HYDIN: variants seen among roughly 807,000 people sequenced by gnomAD.
HYDIN encodes the protein HYDIN axonemal central pair apparatus protein.
A neutral mutation model predicts 403.9 loss-of-function variants in HYDIN; 132 were observed. That is an observed-to-expected ratio of 0.33 (90% CI 0.28 to 0.38). The LOEUF is 0.38. HYDIN is among the 10% of genes least tolerant of loss of function. The pLI, the probability that HYDIN is intolerant of heterozygous loss-of-function variation, is 1.00. For synonymous variants in HYDIN, 1,202 were observed against 1,891.7 expected, an observed-to-expected ratio of 0.64 and a Z score of 9.46; for missense variants, 2,827 against 5,009.5, an observed-to-expected ratio of 0.56 and a Z score of 13.15.
intron 83 of HYDIN, among the ~76,000 whole-genome samples, chr16:70,826,735 C>G (rs79036564): frequency 6.9e-6 from 1 of 145,022 alleles, no homozygotes; most frequent in East Asian, 1.9e-4. Flanking sequence ...CTCTCTCTCT[C>G]TCTCTCTCTC....
intron 73 of HYDIN, among the ~76,000 whole-genome samples, chr16:70,854,267 C>T (rs2038869845): frequency 6.6e-6 from 1 of 150,382 alleles, no homozygotes; most frequent in Admixed American, 6.6e-5. Context: ...GAGAGTCTCA[C>T]TCCATTGTCC....
At chr16:71,011,035 G>A (rs1431714362) in intron 23 of HYDIN, among the ~76,000 whole-genome samples, 1 of 152,210 alleles carries the variant, frequency 6.6e-6, no homozygotes, top group Non-Finnish European at 1.5e-5. Context: ...GGAAGTAAAA[G>A]GAATCTGGGT....
At chr16:70,873,638 T>A (rs1483330759) in intron 64 of HYDIN, among the ~76,000 whole-genome samples, 2 of 130,032 alleles carry the variant, frequency 1.5e-5, no homozygotes, top group African/African-American at 5.1e-5. Context: ...AACAATTTGA[T>A]GATAAATTTT....
chr16:71,203,365 T>C (rs1389136850), intron 1 of HYDIN, among the ~76,000 whole-genome samples: 1 of 152,216 alleles, frequency 6.6e-6, no homozygotes, highest in African/African-American at 2.4e-5. Flanking sequence ...TAGCATTCTC[T>C]ATGACAATTA....
intron 1 of HYDIN, among the ~76,000 whole-genome samples, chr16:71,226,144 T>C (rs1225858622): frequency 1.3e-5 from 2 of 152,244 alleles, no homozygotes; most frequent in Admixed American, 1.3e-4. Context: ...GGACTCAAAC[T>C]ACCAGATTTC....
intron 13 of HYDIN, among the ~76,000 whole-genome samples, chr16:71,073,981 A>C (rs2144319676): frequency 6.6e-6 from 1 of 152,272 alleles, no homozygotes; most frequent in Middle Eastern, 3.4e-3. Flanking sequence ...CCCACCACCC[A>C]TCTATCTCAA....
intron 20 of HYDIN, 45 bp downstream of exon 20, chr16:71,027,557 T>G (rs1379227537): frequency 6.2e-7 from 1 of 1,612,938 alleles, no homozygotes; most frequent in Admixed American, 1.7e-5. Flanking sequence ...CAGTAGAGAT[T>G]TATTTAGGAA....
At chr16:70,930,288 T>C (rs1453124924) in intron 45 of HYDIN, among the ~76,000 whole-genome samples, 1 of 152,194 alleles carries the variant, frequency 6.6e-6, no homozygotes, top group Non-Finnish European at 1.5e-5. Flanking sequence ...CCACACCATC[T>C]TGGCCAACAT....
Position 70,868,742 on chromosome 16 carries a change from A to G in HYDIN, c.11138T>C (p.Met3713Thr). The G allele has an allele frequency of 3.1e-6, 5 of 1,613,918 alleles. No individual in the cohort carries two copies. The highest frequency in any genetic ancestry group is 4.2e-6 in the Non-Finnish European group (5 of 1,180,008). Residue 3713 changes from methionine to threonine, a missense_variant, in exon 66 of 86, where the codon ATG becomes ACG. Met to Thr is a moderately conservative substitution (Grantham distance 81). Transcript: ENST00000393567. Reference sequence around the variant, plus strand: ...TAGGTTGATGGGTACATCTGACTTCATGGTCACCACTATGTCCTTGGCACA... The same window carrying G: ...TAGGTTGATGGGTACATCTGACTTCGTGGTCACCACTATGTCCTTGGCACA... ...PGCAKDIVVT[M>T]KSDVPINLKN... is the part of the protein sequence containing the mutation.
Position 71,062,227 on chromosome 16 carries a change from G to A in HYDIN, c.2318C>T (p.Thr773Ile). The A allele has an allele frequency of 6.6e-7, 1 of 1,508,590 alleles. No homozygotes were observed. Among genetic ancestry groups the A allele is most frequent in the Non-Finnish European group, 9.1e-7 (1 of 1,094,664 alleles). 93.5% of individuals were successfully genotyped at this position (1,508,590 alleles called of 1,614,324 possible). Residue 773 changes from threonine to isoleucine, a missense_variant, in exon 17 of 86, where the codon ACT becomes ATT. Thr to Ile is a moderately conservative substitution (Grantham distance 89). Coordinates refer to ENST00000393567, the MANE Select transcript of HYDIN (RefSeq NM_001270974.2). ...HIPLVLETQV[T>I]GEHRSTVYIS... Reference sequence around the variant, plus strand: ...GTAAACCGTGGATCTGTGTTCTCCAGTGACCTGGGTCTCCAGGACCAGTGG... The same window carrying A: ...GTAAACCGTGGATCTGTGTTCTCCAATGACCTGGGTCTCCAGGACCAGTGG...
In HYDIN at chr16:70,951,281, G is replaced by GAGAGAGA. The variant is rs1567892472; in HGVS notation, c.6531+1139_6531+1140insTCTCTCT. The stretch of plus-strand genomic sequence containing the variant: ...GAGAGAGAGAGAGAGAGAGAGAGAG[G>GAGAGAGA]GAGAGAGGGAGAGAGAGAGAGAGAA... On this transcript the variant is annotated intron_variant, in intron 41 of 85. Coordinates refer to ENST00000393567, the MANE Select transcript of HYDIN (RefSeq NM_001270974.2). 4.6e-4 allele frequency among the ~76,000 whole-genome samples: 44 copies of GAGAGAGA among 95,998 alleles called. 1 individual carries two copies. Among genetic ancestry groups the GAGAGAGA allele is most frequent in the African/African-American group, 1.4e-3 (43 of 29,948 alleles). The allele number at this position is 95,998 out of a possible 152,430, so 63.0% of individuals were successfully genotyped here. A position where few individuals can be genotyped will look rare whatever the true frequency, so the allele number is the denominator to read the frequency against.
At chr16:71,056,410 T>C (rs1350365442) in intron 18 of HYDIN, among the ~76,000 whole-genome samples, 1 of 148,232 alleles carries the variant, frequency 6.7e-6, no homozygotes, top group East Asian at 2.2e-4. Flanking sequence ...TTTTTAAAAA[T>C]CATTTTTTTG....
chr16:71,211,484 C>CA (rs927046272), intron 1 of HYDIN, among the ~76,000 whole-genome samples: 6 of 151,394 alleles, frequency 4.0e-5, no homozygotes, highest in African/African-American at 1.2e-4. Flanking sequence ...ACTAAAAATA[C>CA]AAAAAAAATT....
chr16:70,813,468 C>T (rs927394030), intron 84 of HYDIN, among the ~76,000 whole-genome samples: 2 of 151,856 alleles, frequency 1.3e-5, no homozygotes, highest in Admixed American at 6.6e-5. Context: ...AGATGACTAG[C>T]GTCCTGGCTG....
chr16:71,021,464 C>T (rs1421753547), intron 21 of HYDIN, among the ~76,000 whole-genome samples: 1 of 152,116 alleles, frequency 6.6e-6, no homozygotes, highest in East Asian at 1.9e-4. Flanking sequence ...ATCCACCCGC[C>T]TCAGCCTCCC....
intron 1 of HYDIN, among the ~76,000 whole-genome samples, chr16:71,212,432 T>C (rs958302278): frequency 2.6e-5 from 4 of 152,194 alleles, no homozygotes; most frequent in East Asian, 1.9e-4. Context: ...GTTTTCATTG[T>C]ACTATTATTT....
At chr16:71,038,146 T>C (rs2081155783) in intron 18 of HYDIN, among the ~76,000 whole-genome samples, 1 of 152,262 alleles carries the variant, frequency 6.6e-6, no homozygotes, top group Non-Finnish European at 1.5e-5. Context: ...GCAGGGAATA[T>C]GACTGTGCGA....
intron 53 of HYDIN, among the ~76,000 whole-genome samples, chr16:70,900,792 C>A (rs1352600424): frequency 6.8e-6 from 1 of 147,292 alleles, no homozygotes. Context: ...CTGTTCCTGG[C>A]ACTGGGGAAT....
chr16:71,055,198 G>C (rs1410660261), intron 18 of HYDIN, among the ~76,000 whole-genome samples: 113 of 152,288 alleles, frequency 7.4e-4, no homozygotes, highest in Non-Finnish European at 8.5e-4. Flanking sequence ...GAGGAAAAGA[G>C]AAGGAATCTG....
Sources: allele counts gnomAD v4.1 joint callset (sites outside exome capture counted in the v4.1 genomes callset), GRCh38; gene constraint gnomAD v4.1.1; transcripts MANE v1.5; gene names NCBI Gene and HGNC (gene_info 2026-07-23, HGNC 2026-07-21).